Variants in SSBP2 observed in about 807,000 individuals in gnomAD.
SSBP2 encodes single stranded DNA binding protein 2, also known as single-stranded DNA-binding protein 2.
A neutral mutation model predicts 61.8 loss-of-function variants in SSBP2; 17 were observed. That is an observed-to-expected ratio of 0.28 (90% CI 0.19 to 0.41). The LOEUF is 0.41. Among genes scored for constraint, SSBP2 ranks in the 10% least tolerant of loss-of-function variants. The pLI is 1.00. For missense variants in SSBP2, 310 were observed against 458.7 expected (o/e 0.68, Z 2.96); for synonymous variants, 139 against 141.3 (o/e 0.98, Z 0.12).
intron 1 of SSBP2, among the ~76,000 whole-genome samples, chr5:81,656,881 G>A (rs1750265998): frequency 6.6e-6 from 1 of 151,960 alleles, no homozygotes; most frequent in African/African-American, 2.4e-5. Context: ...AAATAACATG[G>A]CAAAATGAAA....
At position 81,440,613 on chromosome 5, in the gene SSBP2, A is replaced by G. The variant is rs762456488; in HGVS notation, c.873T>C (p.Asp291=). Residue 291 remains aspartate (D), a synonymous_variant, in exon 14 of 17, where the codon GAT becomes GAC. Transcript: ENST00000320672. The stretch of plus-strand genomic sequence containing the variant: ...TTCCTCCTAATCCACCCATGGGACC[A>G]TCTGACCCAGGACCCATTGGAAACT... The G allele has an allele frequency of 1.2e-6, 2 of 1,613,014 alleles. No individual in the cohort carries two copies. Among genetic ancestry groups the G allele is most frequent in the Non-Finnish European group, 1.7e-6 (2 of 1,179,374 alleles).
At chr5:81,471,480 A>G (rs567789800) in intron 8 of SSBP2, among the ~76,000 whole-genome samples, 1 of 152,080 alleles carries the variant, frequency 6.6e-6, no homozygotes, top group East Asian at 1.9e-4. Flanking sequence ...AAATGTATTT[A>G]TTAATAAAAT....
chr5:81,559,535 C>T (rs1483212208), intron 4 of SSBP2, among the ~76,000 whole-genome samples: 1 of 151,424 alleles, frequency 6.6e-6, no homozygotes, highest in East Asian at 1.9e-4. Context: ...GAGATTCCAT[C>T]ACAAAAAAGG....
At chr5:81,741,885 A>T (rs903309643) in intron 1 of SSBP2, among the ~76,000 whole-genome samples, 1 of 152,240 alleles carries the variant, frequency 6.6e-6, no homozygotes, top group African/African-American at 2.4e-5. Context: ...ACTTTTAACT[A>T]TCATCTAATC....
chr5:81,591,140 G>A (rs1280391516), intron 4 of SSBP2, among the ~76,000 whole-genome samples: 1 of 152,164 alleles, frequency 6.6e-6, no homozygotes, highest in African/African-American at 2.4e-5. Context: ...ACCACAGATT[G>A]AGTAAAACCC....
chr5:81,661,290 A>G (rs994274250), intron 1 of SSBP2, among the ~76,000 whole-genome samples: 5 of 152,102 alleles, frequency 3.3e-5, no homozygotes, highest in African/African-American at 4.8e-5. Context: ...TATCTTGTCT[A>G]TTGTGATTAA....
chr5:81,433,607 A>G (rs1341475469), intron 15 of SSBP2, among the ~76,000 whole-genome samples: 1 of 146,786 alleles, frequency 6.8e-6, no homozygotes, highest in Non-Finnish European at 1.5e-5. Flanking sequence ...AAAAAAAAAA[A>G]AAGAAAGAAA....
chr5:81,650,250 A>G lies in SSBP2; in HGVS notation c.135+17T>C. On this transcript the variant is annotated intron_variant, in intron 2 of 16. Coordinates refer to ENST00000320672, the MANE Select transcript of SSBP2 (RefSeq NM_012446.5). ...ATATAAGATCAAAATGCAATACAGA[A>G]AATATATAAAACATACCTCTGATAA... is the stretch of plus-strand genomic sequence containing the variant. 6.6e-7 allele frequency: 1 copy of G among 1,523,764 alleles called. No individual in the cohort carries two copies. The highest frequency in any genetic ancestry group is 2.3e-5 in the East Asian group (1 of 42,774). The allele number at this position is 1,523,764 out of a possible 1,614,324, so 94.4% of individuals were successfully genotyped here.
intron 4 of SSBP2, among the ~76,000 whole-genome samples, chr5:81,573,319 G>A (rs1424094069): frequency 6.6e-6 from 1 of 152,228 alleles, no homozygotes; most frequent in Non-Finnish European, 1.5e-5. Context: ...TGCTCTGTTT[G>A]TAAACACAGA....
intron 4 of SSBP2, among the ~76,000 whole-genome samples, chr5:81,604,262 T>C (rs1261563693): frequency 6.6e-6 from 1 of 151,590 alleles, no homozygotes; most frequent in Non-Finnish European, 1.5e-5. Context: ...TTTCTTTTTT[T>C]TTTTTTTCTA....
At position 81,710,915 on chromosome 5, in the gene SSBP2, T is replaced by C. The variant is rs184007318; in HGVS notation, c.62+40066A>G. ...TAAATCTTTTTCCAAGATTTGTTAA[T>C]ATAAATACGTAATTATTTTTAGCAC... On this transcript the variant is annotated intron_variant, in intron 1 of 16. Coordinates refer to ENST00000320672, the MANE Select transcript of SSBP2 (RefSeq NM_012446.5). 31 of 274,286 alleles carry C rather than the reference T, an allele frequency of 1.1e-4. No individual in the cohort carries two copies. In the East Asian group the frequency reaches 2.9e-3, roughly 25 times the overall value. 17.0% of individuals were successfully genotyped at this position (274,286 alleles called of 1,614,324 possible). A position where few individuals can be genotyped will look rare whatever the true frequency, so the allele number is the denominator to read the frequency against.
At chr5:81,493,531 G>A (rs866054785) in intron 5 of SSBP2, among the ~76,000 whole-genome samples, 4 of 152,216 alleles carry the variant, frequency 2.6e-5, no homozygotes, top group African/African-American at 4.8e-5. Flanking sequence ...CAAGGTGGGC[G>A]GATCATGACG....
At chr5:81,444,457 C>T (rs1763242272) in intron 12 of SSBP2, among the ~76,000 whole-genome samples, 1 of 152,188 alleles carries the variant, frequency 6.6e-6, no homozygotes, top group African/African-American at 2.4e-5. Flanking sequence ...CTGAGTTCTG[C>T]CTTCCATTAT....
At chr5:81,436,047 G>A (rs758850338) in intron 15 of SSBP2, among the ~76,000 whole-genome samples, 6 of 151,920 alleles carry the variant, frequency 3.9e-5, no homozygotes, top group Non-Finnish European at 7.4e-5. Flanking sequence ...AATTAGCAAG[G>A]CTTCGTGGTA....
At chr5:81,577,394 G>A (rs975477127) in intron 4 of SSBP2, among the ~76,000 whole-genome samples, 16 of 151,954 alleles carry the variant, frequency 1.1e-4, no homozygotes, top group Non-Finnish European at 1.9e-4. Context: ...AGCTCTTGGT[G>A]AGGGAAATGG....
At chr5:81,650,168 T>C (rs1043863283) in intron 2 of SSBP2, 99 bp downstream of exon 2, 2 of 809,052 alleles carry the variant, frequency 2.5e-6, no homozygotes, top group African/African-American at 1.8e-5. Flanking sequence ...GAATTCACTA[T>C]ATAATACATA....
rs115141889 is a variant in SSBP2, at chr5:81,486,593, C to T, written c.432+2657G>A. 8.9e-3 allele frequency among the ~76,000 whole-genome samples: 1,354 copies of T among 152,190 alleles called. 20 individuals are homozygous for T. Among genetic ancestry groups the T allele is most frequent in the African/African-American group, 0.031 (1,271 of 41,534 alleles). On this transcript the variant is annotated intron_variant, in intron 6 of 16. Transcript: ENST00000320672. Reference sequence around the variant, plus strand: ...ACGGAATGTCTAAAAAACCATGAAGCCTGCCTCCAATAAGAGATGCACATT... The same window carrying T: ...ACGGAATGTCTAAAAAACCATGAAGTCTGCCTCCAATAAGAGATGCACATT...
chr5:81,644,407 G>A (rs1749080514), intron 2 of SSBP2, among the ~76,000 whole-genome samples: 1 of 152,154 alleles, frequency 6.6e-6, no homozygotes, highest in Non-Finnish European at 1.5e-5. Flanking sequence ...CTCTTAGGAA[G>A]AAGCTCGGGG....
At chr5:81,746,691 T>G (rs1757368490) in intron 1 of SSBP2, among the ~76,000 whole-genome samples, 2 of 152,116 alleles carry the variant, frequency 1.3e-5, no homozygotes, top group South Asian at 4.1e-4. Flanking sequence ...CATTGAAAAT[T>G]TAAAAGCCAA....
Sources: gnomAD v4.1 joint callset for allele counts (sites outside exome capture counted in the v4.1 genomes callset) on GRCh38, gnomAD v4.1.1 for gene constraint, MANE v1.5 for transcripts, NCBI Gene and HGNC (gene_info 2026-07-23, HGNC 2026-07-21) for gene names.